Variants in FIP1L1 observed in about 807,000 individuals in gnomAD.
FIP1L1 encodes the protein factor interacting with PAPOLA and CPSF1, also known as pre-mRNA 3'-end-processing factor FIP1.
FIP1L1 carries 21 observed loss-of-function variants against 84.6 expected under a neutral mutation model. The observed-to-expected ratio is 0.25, with a 90% CI of 0.18 to 0.36. FIP1L1 has a LOEUF of 0.36. Ranked by LOEUF, FIP1L1 falls within the 10% of genes least tolerant of loss-of-function variation. The pLI, the probability that FIP1L1 is intolerant of heterozygous loss-of-function variation, is 1.00. For synonymous variants in FIP1L1, 263 were observed against 242.3 expected (o/e 1.09, Z -0.80); for missense variants, 526 against 751.1 (o/e 0.70, Z 3.50).
intron 10 of FIP1L1, among the ~76,000 whole-genome samples, chr4:53,404,599 A>G (rs915838337): frequency 2.7e-5 from 4 of 150,820 alleles, no homozygotes; most frequent in African/African-American, 9.8e-5. Context: ...TGACTTCCAC[A>G]ATGGTTGAAC....
intron 9 of FIP1L1, among the ~76,000 whole-genome samples, chr4:53,394,979 A>G (rs1388992355): frequency 6.6e-6 from 1 of 152,208 alleles, no homozygotes; most frequent in Non-Finnish European, 1.5e-5. Flanking sequence ...CAGTGGTAGC[A>G]TAATTTGGGT....
At chr4:53,429,562 C>T (rs1765679939) in intron 13 of FIP1L1, among the ~76,000 whole-genome samples, 1 of 152,078 alleles carries the variant, frequency 6.6e-6, no homozygotes, top group African/African-American at 2.4e-5. Context: ...ATTAATGATA[C>T]TAAAAAAATT....
intron 5 of FIP1L1, among the ~76,000 whole-genome samples, chr4:53,387,534 A>G (rs1164308082): frequency 6.6e-6 from 1 of 152,218 alleles, no homozygotes; most frequent in African/African-American, 2.4e-5. Flanking sequence ...GATCTATTGG[A>G]CATTATATCA....
intron 11 of FIP1L1, among the ~76,000 whole-genome samples, chr4:53,424,971 A>G (rs1763749766): frequency 6.6e-6 from 1 of 152,006 alleles, no homozygotes; most frequent in Non-Finnish European, 1.5e-5. Context: ...AGCTGCTGTT[A>G]TTTGTCATTT....
intron 15 of FIP1L1, among the ~76,000 whole-genome samples, chr4:53,450,452 TGAG>T (rs1221907296): frequency 6.6e-6 from 1 of 152,224 alleles, no homozygotes; most frequent in Admixed American, 6.5e-5. Context: ...CATATGTGCT[TGAG>T]AAGAATAATA....
In FIP1L1 at chr4:53,378,043, C is replaced by T. The variant is rs1244132335; in HGVS notation, c.85+120C>T. The T allele has an allele frequency of 1.8e-5, 17 of 932,444 alleles. No homozygotes were observed. In the South Asian group the frequency reaches 2.9e-4, roughly 16 times the overall value. The allele number at this position is 932,444 out of a possible 1,614,324, so 57.8% of individuals were successfully genotyped here. On this transcript the variant is annotated intron_variant, in intron 1 of 17. Transcript: ENST00000337488. ...TCGGGCCTCTGGTTGGGAGTCCTGT[C>T]CGGCCTGACTTAGGCCGAGCGCGGC...
chr4:53,436,424 G>A (rs1177413345), intron 13 of FIP1L1, among the ~76,000 whole-genome samples: 7 of 152,256 alleles, frequency 4.6e-5, no homozygotes, highest in South Asian at 2.1e-4. Flanking sequence ...TGGTGTAGGC[G>A]TCTTAATATG....
At chr4:53,458,824 A>T (rs2137895) in intron 17 of FIP1L1, 34 bp downstream of exon 17, 90,942 of 1,593,134 alleles carry the variant, frequency 0.057, 5,944 homozygotes, top group South Asian at 0.27. Flanking sequence ...AACCAATAGT[A>T]TGTGAGAGAT....
At chr4:53,411,191 A>G (rs1757051209) in intron 10 of FIP1L1, among the ~76,000 whole-genome samples, 1 of 152,154 alleles carries the variant, frequency 6.6e-6, no homozygotes, top group Non-Finnish European at 1.5e-5. Flanking sequence ...TACTTGAGGG[A>G]GTTATTGTAA....
At chr4:53,387,574 A>T (rs759132218) in intron 5 of FIP1L1, among the ~76,000 whole-genome samples, 54 of 152,214 alleles carry the variant, frequency 3.5e-4, no homozygotes, top group Admixed American at 2.6e-4. Flanking sequence ...TCATACCACT[A>T]AGCTTCTCTA....
At chr4:53,382,681 C>T (rs1394612933) in intron 4 of FIP1L1, among the ~76,000 whole-genome samples, 1 of 152,144 alleles carries the variant, frequency 6.6e-6, no homozygotes, top group East Asian at 1.9e-4. Flanking sequence ...TTTAACGTTG[C>T]TTTTTAATGT....
intron 13 of FIP1L1, among the ~76,000 whole-genome samples, chr4:53,438,425 A>G (rs569393487): frequency 7.4e-4 from 113 of 152,356 alleles, no homozygotes; most frequent in South Asian, 1.2e-3. Context: ...AAATACATTC[A>G]GTAATTGTCA....
At chr4:53,421,047 T>C (rs1248649643) in intron 11 of FIP1L1, among the ~76,000 whole-genome samples, 1 of 152,154 alleles carries the variant, frequency 6.6e-6, no homozygotes, top group Non-Finnish European at 1.5e-5. Context: ...TTTTAAATAG[T>C]CTGGTGTACA....
At chr4:53,440,969 T>A (rs3817270) in intron 13 of FIP1L1, 139,685 of 171,636 alleles carry the variant, frequency 0.81, 56,991 homozygotes, top group Non-Finnish European at 0.85. Context: ...ATTTATTTTG[T>A]CTTTATCATT....
chr4:53,427,913 A>G, intron 12 of FIP1L1, 114 bp from the exon 13 acceptor site: 2 of 872,754 alleles, frequency 2.3e-6, no homozygotes, highest in Non-Finnish European at 3.4e-6. Flanking sequence ...AAATACATAT[A>G]TGTGAATTAA....
At chr4:53,437,392 G>GT (rs914234994) in intron 13 of FIP1L1, among the ~76,000 whole-genome samples, 3 of 148,632 alleles carry the variant, frequency 2.0e-5, no homozygotes, top group African/African-American at 7.3e-5. Flanking sequence ...ATGCCAGATG[G>GT]TGTAGGCTCT....
At chr4:53,379,318 T>A in intron 3 of FIP1L1, 54 bp downstream of exon 3, 1 of 1,412,470 alleles carries the variant, frequency 7.1e-7, no homozygotes. Context: ...AAACAATGGT[T>A]CTGTCAGTTG....
At chr4:53,381,163 T>C (rs1425927540) in intron 3 of FIP1L1, among the ~76,000 whole-genome samples, 4 of 152,220 alleles carry the variant, frequency 2.6e-5, no homozygotes. Flanking sequence ...AATTTTATCA[T>C]GTTTCTAACA....
At chr4:53,452,838 T>C in intron 15 of FIP1L1, 82 bp from the exon 16 acceptor site, 2 of 963,536 alleles carry the variant, frequency 2.1e-6, no homozygotes, top group African/African-American at 1.6e-5. Context: ...ATTTCTATTA[T>C]AATCTCATGA....
Sources: allele counts gnomAD v4.1 joint callset (sites outside exome capture counted in the v4.1 genomes callset), GRCh38; gene constraint gnomAD v4.1.1; transcripts MANE v1.5; gene names NCBI Gene and HGNC (gene_info 2026-07-23, HGNC 2026-07-21).